Variants in DNMBP observed in about 807,000 individuals in gnomAD.
DNMBP encodes dynamin-binding protein.
A neutral mutation model predicts 150.0 loss-of-function variants in DNMBP; 87 were observed. The ratio of observed to expected loss-of-function variants is 0.58; its 90% confidence interval spans 0.49 to 0.69. The LOEUF is 0.69. Among genes scored for constraint, DNMBP ranks in the 30% least tolerant of loss-of-function variants. The probability of loss-of-function intolerance (pLI) is 0.00; values close to 1 mark genes in which losing one functional copy is unlikely to be tolerated. For synonymous variants in DNMBP, 711 were observed against 750.4 expected (o/e 0.95, Z 0.86); for missense variants, 1,774 against 1,949.0 (o/e 0.91, Z 1.69).
chr10:99,952,730 CT>C (rs1365226916), intron 4 of DNMBP, among the ~76,000 whole-genome samples: 1 of 152,300 alleles, frequency 6.6e-6, no homozygotes, highest in Non-Finnish European at 1.5e-5. Context: ...GCTATATCAT[CT>C]TTCAGAAGAT....
At chr10:99,979,812 CCACTT>C (rs1204409952) in intron 1 of DNMBP, among the ~76,000 whole-genome samples, 5 of 152,326 alleles carry the variant, frequency 3.3e-5, no homozygotes, top group Non-Finnish European at 5.9e-5. Flanking sequence ...TTGTCCCACT[CCACTT>C]GTCATTCATA....
At chr10:99,939,249 G>A (rs1043810813) in intron 4 of DNMBP, among the ~76,000 whole-genome samples, 25 of 152,154 alleles carry the variant, frequency 1.6e-4, no homozygotes, top group African/African-American at 6.0e-4. Context: ...GTGACATTCT[G>A]ATTCCTACAG....
chr10:99,930,707 C>CCAGT, intron 4 of DNMBP: 1 of 695,420 alleles, frequency 1.4e-6, no homozygotes, highest in Non-Finnish European at 2.6e-6. Context: ...AGCTGGAGTC[C>CCAGT]CAGTGCCTTT....
At chr10:99,962,689 T>C (rs2040577859) in intron 3 of DNMBP, among the ~76,000 whole-genome samples, 1 of 151,706 alleles carries the variant, frequency 6.6e-6, no homozygotes, top group Admixed American at 6.6e-5. Flanking sequence ...CCTAAGGCCA[T>C]CCATCGAGAA....
intron 3 of DNMBP, among the ~76,000 whole-genome samples, chr10:99,967,501 C>T (rs187711207): frequency 2.8e-4 from 42 of 151,854 alleles, no homozygotes; most frequent in African/African-American, 9.4e-4. Flanking sequence ...ACTCCAGCCT[C>T]GACAGAATGA....
intron 3 of DNMBP, among the ~76,000 whole-genome samples, chr10:99,964,414 G>A (rs1323477164): frequency 2.7e-5 from 4 of 150,766 alleles, no homozygotes; most frequent in Admixed American, 2.0e-4. Context: ...GAGCCACTGC[G>A]CCCAGCCTCC....
intron 4 of DNMBP, among the ~76,000 whole-genome samples, chr10:99,922,725 C>T (rs1339756972): frequency 1.3e-5 from 2 of 151,928 alleles, no homozygotes; most frequent in African/African-American, 4.8e-5. Context: ...CTCATGATCC[C>T]AGGAAGCAAG....
Position 99,880,097 on chromosome 10 carries a change from G to A in DNMBP, c.4262C>T (p.Ser1421Phe). 6.2e-7 allele frequency: 1 copy of A among 1,614,186 alleles called. No individual in the cohort carries two copies. The highest frequency in any genetic ancestry group is 8.5e-7 in the Non-Finnish European group (1 of 1,180,020). The change falls in exon 16 of 17, where the codon TCC becomes TTC. Residue 1421 changes from serine (S) to phenylalanine (F), a missense_variant. Physicochemically the swap from Ser to Phe is radical, Grantham distance 155 (BLOSUM62 -2). Transcript: ENST00000324109. ...KECDQGTLSA[S>F]LNPSNSESSP... ...ACTCTCTGAATTACTCGGATTTAGG[G>A]ATGCACTGAGAGTTCCTTGGTCACA...
At chr10:99,991,325 C>A (rs2040888921) in intron 1 of DNMBP, among the ~76,000 whole-genome samples, 1 of 152,094 alleles carries the variant, frequency 6.6e-6, no homozygotes, top group East Asian at 2.0e-4. Flanking sequence ...GATCTGCCCA[C>A]CTCGGCCTCC....
chr10:100,004,524 G>A (rs2041048124), intron 1 of DNMBP, among the ~76,000 whole-genome samples: 1 of 152,080 alleles, frequency 6.6e-6, no homozygotes, highest in African/African-American at 2.4e-5. Flanking sequence ...CCACAAATGA[G>A]AAAGAGATAC....
At chr10:99,974,313 C>T (rs541781046) in intron 1 of DNMBP, among the ~76,000 whole-genome samples, 13 of 152,236 alleles carry the variant, frequency 8.5e-5, no homozygotes, top group African/African-American at 2.6e-4. Flanking sequence ...TGTAATAAGA[C>T]GATGTGTCCA....
chr10:100,003,150 T>C (rs933969270), intron 1 of DNMBP, among the ~76,000 whole-genome samples: 2 of 152,056 alleles, frequency 1.3e-5, no homozygotes, highest in Non-Finnish European at 2.9e-5. Context: ...ATTGAGACCA[T>C]CCTGGCTATC....
Position 99,956,772 on chromosome 10 carries a change from CTCT to C in DNMBP, c.699_701del (p.Glu234del), listed in dbSNP as rs766754840. Reference sequence around the variant, plus strand: ...CCTCCTCATCCTCATCCGGCCCTATCTCTTCTTCTCCTACAGGGGTATCTACTT... The same window carrying C: ...CCTCCTCATCCTCATCCGGCCCTATCTCTTCTCCTACAGGGGTATCTACTT... On this transcript the variant is annotated inframe_deletion, in exon 4 of 17. Coordinates refer to ENST00000324109, the MANE Select transcript of DNMBP (RefSeq NM_015221.4). 15 of 1,614,086 alleles carry C rather than the reference CTCT, an allele frequency of 9.3e-6. No individual in the cohort carries two copies. Among genetic ancestry groups the C allele is most frequent in the Middle Eastern group, 1.6e-4 (1 of 6,084 alleles).
intron 2 of DNMBP, among the ~76,000 whole-genome samples, chr10:99,971,679 C>G (rs2040678685): frequency 6.6e-6 from 1 of 151,880 alleles, no homozygotes; most frequent in Non-Finnish European, 1.5e-5. Context: ...CGCCACCACA[C>G]CCAGCAAATT....
At chr10:99,921,640 G>A (rs1024325275) in intron 4 of DNMBP, among the ~76,000 whole-genome samples, 3 of 131,896 alleles carry the variant, frequency 2.3e-5, no homozygotes, top group South Asian at 5.0e-4. Context: ...GATCACTTGA[G>A]GCCAGGAGAT....
chr10:99,940,889 C>T (rs925055764), intron 4 of DNMBP, among the ~76,000 whole-genome samples: 1 of 152,026 alleles, frequency 6.6e-6, no homozygotes, highest in Non-Finnish European at 1.5e-5. Context: ...CTGTCACTTG[C>T]CCTTTCTTTT....
At chr10:99,948,997 TAA>T (rs1464777021) in intron 4 of DNMBP, among the ~76,000 whole-genome samples, 1 of 150,850 alleles carries the variant, frequency 6.6e-6, no homozygotes, top group East Asian at 1.9e-4. Flanking sequence ...AATAAATAAA[TAA>T]ATAAATAAAT....
Position 99,898,738 on chromosome 10 carries a change from C to T in DNMBP, c.2720+5G>A, listed in dbSNP as rs757273459. The T allele has an allele frequency of 5.6e-5, 91 of 1,613,724 alleles. No individual in the cohort carries two copies. The highest frequency in any genetic ancestry group is 7.6e-5 in the Non-Finnish European group (90 of 1,179,840). The stretch of plus-strand genomic sequence containing the variant: ...GCGCATACATCAAGCAGCAATGGAA[C>T]TTACCATTCGTTGTATAGGCTCCTG... On this transcript the variant is annotated splice_donor_5th_base_variant and intron_variant, in intron 8 of 16. Transcript: ENST00000324109.
chr10:99,997,959 A>G lies in DNMBP; in HGVS notation c.-11+11879T>C, dbSNP rs182562242. ...AAAAAAAAAAAAAAAAAAAAGCTGG[A>G]CGCGGTGGCTCACACCTGTAATCCC... On this transcript the variant is annotated intron_variant, in intron 1 of 16. Coordinates refer to ENST00000324109, the MANE Select transcript of DNMBP (RefSeq NM_015221.4). Among the ~76,000 whole-genome samples the G allele has an allele frequency of 6.5e-3, 866 of 133,298 alleles. 29 individuals are homozygous for G. Among genetic ancestry groups the G allele is most frequent in the African/African-American group, 0.023 (770 of 33,734 alleles). 87.4% of individuals were successfully genotyped at this position (133,298 alleles called of 152,430 possible).
Sources: allele counts gnomAD v4.1 joint callset (sites outside exome capture counted in the v4.1 genomes callset), GRCh38; gene constraint gnomAD v4.1.1; transcripts MANE v1.5; gene names NCBI Gene and HGNC (gene_info 2026-07-23, HGNC 2026-07-21).